Variants in TMCC1 observed in about 807,000 individuals in gnomAD.
TMCC1 encodes transmembrane and coiled-coil domains protein 1.
In TMCC1, 15 loss-of-function variants were observed where a neutral mutation model predicts 52.4. The ratio of observed to expected loss-of-function variants is 0.29; its 90% CI spans 0.19 to 0.44. The LOEUF is 0.44. Ranked by LOEUF, TMCC1 falls within the 20% of genes least tolerant of loss-of-function variation. The probability of loss-of-function intolerance (pLI) is 1.00; values close to 1 mark genes in which losing one functional copy is unlikely to be tolerated. For missense variants in TMCC1, 503 were observed against 806.0 expected (o/e 0.62, Z 4.55); for synonymous variants, 279 against 301.9 (o/e 0.92, Z 0.79).
chr3:129,804,444 T>G (rs993951660), intron 4 of TMCC1, among the ~76,000 whole-genome samples: 2 of 152,188 alleles, frequency 1.3e-5, no homozygotes, highest in Non-Finnish European at 2.9e-5. Context: ...CCATTAGGCC[T>G]CCCCTGACCC....
chr3:129,711,950 C>T lies in TMCC1; in HGVS notation c.577-40686G>A, dbSNP rs375209515. Among the ~76,000 whole-genome samples, 9 of 131,028 alleles carry T rather than the reference C, an allele frequency of 6.9e-5. No individual in the cohort carries two copies. The East Asian group carries it at 6.9e-4, about 10-fold the overall frequency. The allele number at this position is 131,028 out of a possible 152,430, so 86.0% of individuals were successfully genotyped here. ...CCAGGAGGCAGAGGTTGTAGTGAGC[C>T]GAGATGGTGCCACTGCATTCCAGCC... On this transcript the variant is annotated intron_variant, in intron 4 of 6. Transcript: ENST00000393238.
intron 2 of TMCC1, among the ~76,000 whole-genome samples, chr3:129,861,667 T>C (rs1479055880): frequency 6.6e-6 from 1 of 152,170 alleles, no homozygotes; most frequent in African/African-American, 2.4e-5. Flanking sequence ...AAAACCACAA[T>C]GAGGTACCAT....
chr3:129,876,049 T>C (rs1394773050), intron 2 of TMCC1, among the ~76,000 whole-genome samples: 1 of 151,086 alleles, frequency 6.6e-6, no homozygotes, highest in South Asian at 2.1e-4. Context: ...GCAGGAGAAT[T>C]GCTTGAACCT....
intron 5 of TMCC1, among the ~76,000 whole-genome samples, chr3:129,659,707 A>G (rs2086898851): frequency 1.3e-5 from 2 of 152,338 alleles, no homozygotes; most frequent in South Asian, 4.1e-4. Flanking sequence ...TTTTCAAACT[A>G]GATTTTGGTT....
At chr3:129,737,996 C>T (rs2051122092) in intron 4 of TMCC1, among the ~76,000 whole-genome samples, 2 of 151,980 alleles carry the variant, frequency 1.3e-5, no homozygotes, top group Non-Finnish European at 2.9e-5. Flanking sequence ...CTCAGCCAGG[C>T]GCAGTGTTTC....
chr3:129,753,370 T>C (rs1279837453), intron 4 of TMCC1, among the ~76,000 whole-genome samples: 1 of 152,200 alleles, frequency 6.6e-6, no homozygotes, highest in Non-Finnish European at 1.5e-5. Flanking sequence ...GCAGATGTTT[T>C]TCACACTCGA....
intron 5 of TMCC1, among the ~76,000 whole-genome samples, chr3:129,666,708 C>T (rs761216790): frequency 2.6e-5 from 4 of 151,868 alleles, no homozygotes; most frequent in Non-Finnish European, 4.4e-5. Context: ...CCACTGCACT[C>T]CAGCCTGGGC....
At chr3:129,832,634 T>C (rs1043851269) in intron 3 of TMCC1, 140 bp downstream of exon 3, 3 of 152,380 alleles carry the variant, frequency 2.0e-5, no homozygotes, top group Non-Finnish European at 2.9e-5. Context: ...GCAAATTATA[T>C]ACAAATTGCT....
chr3:129,798,236 T>C (rs1207655695), intron 4 of TMCC1, among the ~76,000 whole-genome samples: 1 of 152,078 alleles, frequency 6.6e-6, no homozygotes, highest in Non-Finnish European at 1.5e-5. Flanking sequence ...CCTCAGGTGA[T>C]CCGCCCGCTC....
At position 129,828,475 on chromosome 3, in the gene TMCC1, G is replaced by A. The variant is rs2058754593; in HGVS notation, c.-97C>T. 5.1e-6 allele frequency: 6 copies of A among 1,168,426 alleles called. No individual in the cohort carries two copies. Among genetic ancestry groups the A allele is most frequent in the East Asian group, 2.4e-5 (1 of 42,266 alleles). 72.4% of individuals were successfully genotyped at this position (1,168,426 alleles called of 1,614,324 possible). On this transcript the variant is annotated 5_prime_UTR_variant, in exon 4 of 7. Transcript: ENST00000393238. This position sits in a 1 kb window ranked among gnomAD's most constrained non-coding sequence, Gnocchi z 4.1. ...AGGCATTTGCTTCAACAGTGACTAC[G>A]CATGCAGCTGTGAGACGAAGGCTTC...
In TMCC1 at chr3:129,647,941, C is replaced by T. The variant is rs2086117917; in HGVS notation, c.*3540G>A. 1 of 152,666 alleles carries T rather than the reference C, an allele frequency of 6.6e-6. No homozygotes were observed. Among genetic ancestry groups the T allele is most frequent in the South Asian group, 2.1e-4 (1 of 4,828 alleles). The allele number at this position is 152,666 out of a possible 1,614,324, so 9.5% of individuals were successfully genotyped here. ...TACAGTGTTAACGTTCACACGTTCA[C>T]AAGTGTCATTTCTTTACGTTTCAAT... On this transcript the variant is annotated 3_prime_UTR_variant, in exon 7 of 7. Transcript: ENST00000393238.
At chr3:129,800,684 C>CA (rs2057131480) in intron 4 of TMCC1, among the ~76,000 whole-genome samples, 1 of 151,922 alleles carries the variant, frequency 6.6e-6, no homozygotes, top group South Asian at 2.1e-4. Context: ...TCATATAACA[C>CA]TACTCTCCTT....
intron 4 of TMCC1, among the ~76,000 whole-genome samples, chr3:129,774,057 A>G (rs2054827126): frequency 6.6e-6 from 1 of 152,224 alleles, no homozygotes; most frequent in Admixed American, 6.5e-5. Context: ...TAATGAGCAT[A>G]CCTCATGCTT....
At chr3:129,668,560 T>C (rs542733030) in intron 5 of TMCC1, among the ~76,000 whole-genome samples, 1 of 152,250 alleles carries the variant, frequency 6.6e-6, no homozygotes, top group South Asian at 2.1e-4. Flanking sequence ...ACTTTTAGAG[T>C]TCATTTGAAT....
intron 2 of TMCC1, among the ~76,000 whole-genome samples, chr3:129,871,292 G>C (rs1436493892): frequency 1.3e-5 from 2 of 150,460 alleles, no homozygotes; most frequent in African/African-American, 4.9e-5. Context: ...CCAGGAAGTG[G>C]AGGTTGCAGT....
At chr3:129,780,690 T>C (rs1266134977) in intron 4 of TMCC1, among the ~76,000 whole-genome samples, 2 of 152,140 alleles carry the variant, frequency 1.3e-5, no homozygotes, top group African/African-American at 4.8e-5. Context: ...ATGAAAACCC[T>C]GAGTCTTCCT....
intron 4 of TMCC1, chr3:129,688,183 C>A (rs1474474741): frequency 2.0e-6 from 2 of 985,248 alleles, no homozygotes; most frequent in Admixed American, 6.2e-5. Context: ...TTACCAAAAC[C>A]CCCTGTCAGG....
intron 2 of TMCC1, among the ~76,000 whole-genome samples, chr3:129,837,522 C>T (rs2059217002): frequency 6.6e-6 from 1 of 152,162 alleles, no homozygotes; most frequent in Non-Finnish European, 1.5e-5. Context: ...CAAATCTCCA[C>T]CCTAAAGGAC....
rs1171219329 is a variant in TMCC1, at chr3:129,810,521, C to G, written c.576+17282G>C. 2.6e-5 allele frequency among the ~76,000 whole-genome samples: 4 copies of G among 152,156 alleles called. No individual in the cohort carries two copies. The East Asian group carries it at 7.7e-4, about 29-fold the overall frequency. The stretch of plus-strand genomic sequence containing the variant: ...CTAAACTCCTGACAATAGAAAACAG[C>G]TTGCATTTTATCTTTATGTACAGAA... On this transcript the variant is annotated intron_variant, in intron 4 of 6. Transcript: ENST00000393238.
Sources: allele counts gnomAD v4.1 joint callset (sites outside exome capture counted in the v4.1 genomes callset), GRCh38; gene constraint gnomAD v4.1.1; non-coding constraint Gnocchi (gnomAD v3.1); transcripts MANE v1.5; gene names NCBI Gene and HGNC (gene_info 2026-07-23, HGNC 2026-07-21).